Variants in FAM114A1 observed in about 807,000 individuals in gnomAD.
The protein encoded by FAM114A1 is family with sequence similarity 114 member A1, also known as protein NOXP20.
In FAM114A1, 62 loss-of-function variants were observed where a neutral mutation model predicts 64.3. The observed-to-expected ratio is 0.96, with a 90% confidence interval of 0.79 to 1.19. FAM114A1 has a LOEUF of 1.19. Ranked by LOEUF, FAM114A1 falls within the 50% of genes most tolerant of loss-of-function variation. The probability of loss-of-function intolerance (pLI) is 0.00; values close to 1 mark genes in which losing one functional copy is unlikely to be tolerated. For synonymous variants in FAM114A1, 254 were observed against 251.1 expected, an observed-to-expected ratio of 1.01 and a Z score of -0.11; for missense variants, 645 against 676.3, an observed-to-expected ratio of 0.95 and a Z score of 0.51.
intron 11 of FAM114A1, 149 bp from the exon 12 acceptor site, chr4:38,932,086 C>A: frequency 1.1e-6 from 1 of 946,304 alleles, no homozygotes; most frequent in Non-Finnish European, 1.5e-6. Flanking sequence ...CACTTAAAGT[C>A]TTAGATATGC....
rs1716435050 is a variant in FAM114A1, at chr4:38,891,830, G to T, written c.436G>T (p.Gly146Cys). Residue 146 changes from glycine to cysteine, a missense_variant and splice_region_variant, in exon 4 of 15, where the codon GGT (glycine) becomes TGT (cysteine). Coordinates refer to ENST00000358869, the MANE Select transcript of FAM114A1 (RefSeq NM_138389.4). ...SLLSSASATV[G>C]HGLTAVKEKA... ...GCTGTCGTCAGCATCTGCCACAGTA[G>T]GTAAGCATTGTATGTTGCATTGGAA... 6.2e-7 allele frequency: 1 copy of T among 1,609,550 alleles called. No individual in the cohort carries two copies. The highest frequency in any genetic ancestry group is 8.5e-7 in the Non-Finnish European group (1 of 1,178,286).
chr4:38,940,846 T>C lies in FAM114A1; in HGVS notation c.1537-122T>C. 19 of 1,002,982 alleles carry C rather than the reference T, an allele frequency of 1.9e-5. No homozygotes were observed. The Middle Eastern group carries it at 8.5e-4, about 45-fold the overall frequency. 62.1% of individuals were successfully genotyped at this position (1,002,982 alleles called of 1,614,324 possible). A position where few individuals can be genotyped will look rare whatever the true frequency, so the allele number is the denominator to read the frequency against. ...ATGAAGCCTGGTCTGTAGGAAGCATTCTGCTTCCCCTCCTCTTCCTCTGCA... is the reference window on the plus strand; with the variant it reads ...ATGAAGCCTGGTCTGTAGGAAGCATCCTGCTTCCCCTCCTCTTCCTCTGCA... On this transcript the variant is annotated intron_variant, in intron 13 of 14. Transcript: ENST00000358869.
chr4:38,891,933 G>A, intron 4 of FAM114A1, 103 bp downstream of exon 4: 2 of 1,009,466 alleles, frequency 2.0e-6, no homozygotes, highest in African/African-American at 1.6e-5. Flanking sequence ...ATTAGCCCGT[G>A]AGCAAACCAT....
chr4:38,892,515 A>G (rs1025738883), intron 4 of FAM114A1, among the ~76,000 whole-genome samples: 1 of 152,226 alleles, frequency 6.6e-6, no homozygotes, highest in African/African-American at 2.4e-5. Flanking sequence ...AGAAAATATG[A>G]TGGACAGTGT....
chr4:38,926,100 C>T (rs1720066552), intron 9 of FAM114A1, among the ~76,000 whole-genome samples: 1 of 152,226 alleles, frequency 6.6e-6, no homozygotes, highest in African/African-American at 2.4e-5. Context: ...GTCCTTACAA[C>T]AGCTGTAAAG....
intron 8 of FAM114A1, among the ~76,000 whole-genome samples, chr4:38,919,346 A>G (rs143039124): frequency 2.0e-5 from 3 of 152,090 alleles, no homozygotes; most frequent in African/African-American, 4.8e-5. Flanking sequence ...CTGCAGCTCT[A>G]TCTCTCACCC....
At chr4:38,876,604 T>TAAAGATAGCCCTGTAGGTTTCTG (rs1714669889) in intron 2 of FAM114A1, among the ~76,000 whole-genome samples, 1 of 152,254 alleles carries the variant, frequency 6.6e-6, no homozygotes. Context: ...CAGGAAAGTT[T>TAAAGATAGCCCTGTAGGTTTCTG]AAAGATAGCC....
chr4:38,908,753 T>A (rs1204474247), intron 7 of FAM114A1, 27 bp downstream of exon 7: 1 of 1,519,194 alleles, frequency 6.6e-7, no homozygotes, highest in Non-Finnish European at 8.9e-7. Flanking sequence ...TTGCAATTTT[T>A]TCTTTCAGTC....
intron 4 of FAM114A1, among the ~76,000 whole-genome samples, chr4:38,898,093 A>C (rs1353163851): frequency 6.6e-6 from 1 of 152,214 alleles, no homozygotes; most frequent in Non-Finnish European, 1.5e-5. Context: ...AACAATGCTA[A>C]AACATGTATA....
rs1721858633 is a variant in FAM114A1, at chr4:38,944,939, T to G, written c.*1382T>G. 1 of 152,180 alleles carries G rather than the reference T, an allele frequency of 6.6e-6. No individual in the cohort carries two copies. The highest frequency in any genetic ancestry group is 1.5e-5 in the Non-Finnish European group (1 of 68,040). The allele number at this position is 152,180 out of a possible 1,614,324, so 9.4% of individuals were successfully genotyped here. A position where few individuals can be genotyped will look rare whatever the true frequency, so the allele number is the denominator to read the frequency against. On this transcript the variant is annotated 3_prime_UTR_variant, in exon 15 of 15. Transcript: ENST00000358869. ...ATAAATTTTTGAACCTTAAAAACTT[T>G]GAAGAACAAGGTAAATTGGTGTTTT...
intron 13 of FAM114A1, among the ~76,000 whole-genome samples, chr4:38,939,165 C>T (rs535695069): frequency 6.6e-6 from 1 of 152,272 alleles, no homozygotes; most frequent in East Asian, 1.9e-4. Flanking sequence ...TGCACTTGAA[C>T]TTTCATATAT....
Position 38,943,463 on chromosome 4 carries a change from A to G in FAM114A1, c.1598A>G (p.Asn533Ser), listed in dbSNP as rs367823541. 8.5e-5 allele frequency: 137 copies of G among 1,613,878 alleles called. No homozygotes were observed. The highest frequency in any genetic ancestry group is 1.1e-4 in the Non-Finnish European group (130 of 1,179,938). Residue 533 changes from asparagine (N) to serine (S), a missense_variant, in exon 15 of 15, where the codon AAC becomes AGC. Transcript: ENST00000358869. The stretch of plus-strand genomic sequence containing the variant: ...ATTTTTCTCCTCTCACAGGGCTGCA[A>G]CAGTACAACGTACATACAGGATGCC... ...MISSVLLEGC[N>S]STTYIQDAFQ...
At chr4:38,922,707 G>C (rs1719718760) in intron 8 of FAM114A1, 63 bp from the exon 9 acceptor site, 1 of 1,548,606 alleles carries the variant, frequency 6.5e-7, no homozygotes, top group South Asian at 1.3e-5. Context: ...GGGGACCGCT[G>C]TGTGTAAACG....
rs149190542 is a variant in FAM114A1, at chr4:38,899,001, T to C, written c.437-6521T>C. Among the ~76,000 whole-genome samples, 56 of 146,300 alleles carry C rather than the reference T, an allele frequency of 3.8e-4. No homozygotes were observed. In the East Asian group the frequency reaches 9.5e-3, roughly 25 times the overall value. ...TTATATATGTAATATATGTTATATATGTAGTATAAGTTTCATATATATGTT... is the reference window on the plus strand; with the variant it reads ...TTATATATGTAATATATGTTATATACGTAGTATAAGTTTCATATATATGTT... On this transcript the variant is annotated intron_variant, in intron 4 of 14. Transcript: ENST00000358869.
intron 9 of FAM114A1, among the ~76,000 whole-genome samples, chr4:38,925,072 G>A (rs1249577865): frequency 6.6e-6 from 1 of 152,190 alleles, no homozygotes; most frequent in Non-Finnish European, 1.5e-5. Flanking sequence ...TCTAGTCTTA[G>A]TGTAGACCTT....
intron 4 of FAM114A1, among the ~76,000 whole-genome samples, chr4:38,894,952 TC>T (rs1402666669): frequency 6.6e-6 from 1 of 152,206 alleles, no homozygotes; most frequent in East Asian, 1.9e-4. Context: ...AGCTGTATTC[TC>T]ATCTGAGGCT....
chr4:38,936,124 G>A (rs1721068849), intron 13 of FAM114A1, among the ~76,000 whole-genome samples: 1 of 140,064 alleles, frequency 7.1e-6, no homozygotes, highest in African/African-American at 2.7e-5. Context: ...ACGGAGTTTT[G>A]CTCTGGTGCC....
At chr4:38,869,740 G>A (rs1277958007) in intron 2 of FAM114A1, among the ~76,000 whole-genome samples, 1 of 151,176 alleles carries the variant, frequency 6.6e-6, no homozygotes, top group Middle Eastern at 3.2e-3. Context: ...TTAACTGGGG[G>A]AGATGACCTC....
chr4:38,905,454 A>G, intron 4 of FAM114A1, 68 bp from the exon 5 acceptor site: 2 of 1,133,272 alleles, frequency 1.8e-6, no homozygotes, highest in Non-Finnish European at 2.6e-6. Flanking sequence ...GCTTTGTAAG[A>G]TTTGGTGGAG....
Sources: allele counts gnomAD v4.1 joint callset (sites outside exome capture counted in the v4.1 genomes callset), GRCh38; gene constraint gnomAD v4.1.1; transcripts MANE v1.5; gene names NCBI Gene and HGNC (gene_info 2026-07-23, HGNC 2026-07-21).